Variants in PKD1 observed in about 807,000 individuals in gnomAD.
PKD1 encodes the protein polycystin 1, transient receptor potential channel interacting, also known as polycystin-1.
A neutral mutation model predicts 361.7 loss-of-function variants in PKD1; 81 were observed. The observed-to-expected ratio is 0.22, with a 90% CI of 0.19 to 0.27. The LOEUF (loss-of-function observed/expected upper bound fraction) is 0.27. Ranked by LOEUF, PKD1 falls within the 10% of genes least tolerant of loss-of-function variation. PKD1 has a pLI of 1.00. For missense variants in PKD1, 6,399 were observed against 6,118.3 expected, an observed-to-expected ratio of 1.05 and a Z score of -1.53; for synonymous variants, 3,615 against 2,818.3, an observed-to-expected ratio of 1.28 and a Z score of -8.95.
chr16:2,109,579 G>A lies in PKD1; in HGVS notation c.5588C>T (p.Ser1863Phe). Residue 1863 changes from serine (S) to phenylalanine (F), a missense_variant, in exon 15 of 46, where the codon TCC (serine) becomes TTC (phenylalanine). Ser to Phe is a radical substitution (Grantham distance 155). Coordinates refer to ENST00000262304, the MANE Select transcript of PKD1 (RefSeq NM_001009944.3). The part of the protein sequence containing the change: ...TMVFPDAGTF[S>F]IRLNASNAVS... Reference sequence around the variant, plus strand: ...TGCGTTGGAGGCATTGAGCCGGATGGAGAAGGTGCCAGCATCCGGGAAGAC... The same window carrying A: ...TGCGTTGGAGGCATTGAGCCGGATGAAGAAGGTGCCAGCATCCGGGAAGAC... The A allele has an allele frequency of 6.2e-7, 1 of 1,611,826 alleles. No individual in the cohort carries two copies. Among genetic ancestry groups the A allele is most frequent in the Non-Finnish European group, 8.5e-7 (1 of 1,179,606 alleles).
intron 11 of PKD1, 193 bp downstream of exon 11, chr16:2,113,977 G>C (rs1318251378): frequency 5.0e-6 from 3 of 605,284 alleles, no homozygotes; most frequent in African/African-American, 3.7e-5. Flanking sequence ...GCCACTGTCA[G>C]AGCCGTGACT....
In PKD1 at chr16:2,089,539, C is replaced by T. The variant is rs2091354396; in HGVS notation, c.*188G>A. The T allele has an allele frequency of 1.5e-6, 1 of 679,378 alleles. No homozygotes were observed. Among genetic ancestry groups the T allele is most frequent in the Admixed American group, 2.5e-5 (1 of 39,444 alleles). The allele number at this position is 679,378 out of a possible 1,614,324, so 42.1% of individuals were successfully genotyped here. A position where few individuals can be genotyped will look rare whatever the true frequency, so the allele number is the denominator to read the frequency against. ...TCCCAAGGGAGCTGGGGAGGGGACC[C>T]TGGGTCCTGGTTGGCCACACAGCCT... is the stretch of plus-strand genomic sequence containing the variant. On this transcript the variant is annotated 3_prime_UTR_variant, in exon 46 of 46. Coordinates refer to ENST00000262304, the MANE Select transcript of PKD1 (RefSeq NM_001009944.3).
Position 2,117,015 on chromosome 16 carries a change from C to G in PKD1, c.1424G>C (p.Gly475Ala). The change falls in exon 7 of 46, where the codon GGG becomes GCG. Residue 475 changes from glycine to alanine, a missense_variant. Physicochemically the swap from Gly to Ala is moderately conservative, Grantham distance 60. Transcript: ENST00000262304. ...CTGCGGCGCTGGGCCCACCTCCACC[C>G]CCTGCACAGTCGAGAAGCCGATCCA... ...DVWIGFSTVQ[G>A]VEVGPAPQGE... 5.0e-6 allele frequency: 8 copies of G among 1,587,076 alleles called. No homozygotes were observed. The highest frequency in any genetic ancestry group is 6.8e-6 in the Non-Finnish European group (8 of 1,173,178).
At position 2,130,720 on chromosome 16, in the gene PKD1, G is replaced by A. The variant is rs1053704569; in HGVS notation, c.215+4755C>T. Among the ~76,000 whole-genome samples the A allele has an allele frequency of 1.6e-4, 25 of 152,266 alleles. No homozygotes were observed. The East Asian group carries it at 4.5e-3, about 27-fold the overall frequency. ...CTCCAGAATGCCTGTCTTCCCCGACGCCAATCCCAGGCAGGGGCCCCGGGG... is the reference window on the plus strand; with the variant it reads ...CTCCAGAATGCCTGTCTTCCCCGACACCAATCCCAGGCAGGGGCCCCGGGG... On this transcript the variant is annotated intron_variant, in intron 1 of 45. Transcript: ENST00000262304.
chr16:2,112,904 C>G lies in PKD1; in HGVS notation c.3045G>C (p.Arg1015=). 6.2e-7 allele frequency: 1 copy of G among 1,606,806 alleles called. No homozygotes were observed. Among genetic ancestry groups the G allele is most frequent in the Non-Finnish European group, 8.5e-7 (1 of 1,179,772 alleles). The part of the protein sequence containing the change: ...VTVNYNVTVE[R]MNRMQGLQVS... ...CCTGCAGACCCTGCATCCTGTTCAT[C>G]CGCTCCACGGTTACGTTGTAGTTCA... The change falls in exon 13 of 46, where the codon CGG becomes CGC. Residue 1015 remains arginine, a synonymous_variant. Coordinates refer to ENST00000262304, the MANE Select transcript of PKD1 (RefSeq NM_001009944.3).
chr16:2,111,589 A>C lies in PKD1; in HGVS notation c.3578T>G (p.Val1193Gly). ...SRGTYHVRLE[V>G]NNTVSGAAAQ... ...CGCCGCACCGCTCACCGTGTTGTTG[A>C]CCTCCAGGCGCACGTGGTAGGTGCC... The change falls in exon 15 of 46, where the codon GTC becomes GGC. Residue 1193 changes from valine to glycine, a missense_variant. Transcript: ENST00000262304. 1 of 1,573,654 alleles carries C rather than the reference A, an allele frequency of 6.4e-7. No homozygotes were observed. The highest frequency in any genetic ancestry group is 8.6e-7 in the Non-Finnish European group (1 of 1,160,750).
intron 1 of PKD1, among the ~76,000 whole-genome samples, chr16:2,129,673 C>T (rs1455371318): frequency 2.0e-5 from 3 of 151,398 alleles, no homozygotes; most frequent in Non-Finnish European, 4.4e-5. Flanking sequence ...CCTCAGTCTC[C>T]TGAATAGCTG....
chr16:2,093,943 C>T lies in PKD1; in HGVS notation c.10689G>A (p.Leu3563=). 2.5e-6 allele frequency: 4 copies of T among 1,586,306 alleles called. No homozygotes were observed. Among genetic ancestry groups the T allele is most frequent in the Non-Finnish European group, 3.4e-6 (4 of 1,170,152 alleles). The part of the protein sequence containing the change: ...WCASLAHGLS[L]LLVAVAVAVS... Reference sequence around the variant, plus strand: ...CAGCCACAGCCACAGCCACCAGGAGCAGGCTGAGCCCGTGGGCCAGGGAGG... The same window carrying T: ...CAGCCACAGCCACAGCCACCAGGAGTAGGCTGAGCCCGTGGGCCAGGGAGG... Residue 3563 remains leucine (L), a synonymous_variant, in exon 36 of 46, where the codon CTG becomes CTA. Transcript: ENST00000262304.
intron 20 of PKD1, 147 bp downstream of exon 20, chr16:2,105,718 C>T (rs1308254794): frequency 7.0e-6 from 9 of 1,280,970 alleles, no homozygotes; most frequent in South Asian, 2.5e-5. Context: ...CTGCTGGGAG[C>T]GGAAGGTCGG....
chr16:2,118,021 C>T lies in PKD1; in HGVS notation c.971G>A (p.Arg324His), dbSNP rs199476099. Residue 324 changes from arginine (R) to histidine (H), a missense_variant, in exon 5 of 46, where the codon CGC (arginine) becomes CAC (histidine). Transcript: ENST00000262304. This position sits in a 1 kb window ranked among gnomAD's most constrained non-coding sequence, Gnocchi z 6.0. ...VDAAGPAASH[R>H]YVLPGRYHVT... Reference sequence around the variant, plus strand: ...GTGATAGCGCCCAGGCAGCACATAGCGATGCGAGGCAGCCGGCCCAGCGGC... The same window carrying T: ...GTGATAGCGCCCAGGCAGCACATAGTGATGCGAGGCAGCCGGCCCAGCGGC... 4.4e-6 allele frequency: 7 copies of T among 1,595,120 alleles called. No individual in the cohort carries two copies. The highest frequency in any genetic ancestry group is 2.2e-5 in the East Asian group (1 of 44,766).
In PKD1 at chr16:2,093,150, G is replaced by A. The variant is rs1001112779; in HGVS notation, c.11017-57C>T. The A allele has an allele frequency of 1.1e-4, 180 of 1,601,306 alleles. 1 individual carries two copies. The highest frequency in any genetic ancestry group is 1.4e-4 in the Non-Finnish European group (162 of 1,171,932). On this transcript the variant is annotated intron_variant, in intron 37 of 45. Transcript: ENST00000262304. ...GGCCCCAGCCCACAGTGACAGCAGG[G>A]CTTTGGCAACGGCTGGAGCCATGGC... is the stretch of plus-strand genomic sequence containing the variant.
chr16:2,128,357 T>TGGCAGCACCCAAGC (rs1309227614), intron 1 of PKD1, among the ~76,000 whole-genome samples: 3 of 146,800 alleles, frequency 2.0e-5, no homozygotes, highest in Admixed American at 6.8e-5. Flanking sequence ...TGGGAGGGGC[T>TGGCAGCACCCAAGC]GGCAGCACCC....
rs2092135482 is a variant in PKD1, at chr16:2,102,448, G to A, written c.9134C>T (p.Thr3045Ile). 1 of 1,552,414 alleles carries A rather than the reference G, an allele frequency of 6.4e-7. No homozygotes were observed. The highest frequency in any genetic ancestry group is 2.0e-5 in the Admixed American group (1 of 51,218). ...ETSPRQAVCL[T>I]RHLTAFGASL... Reference sequence around the variant, plus strand: ...GGCGCCGAAGGCGGTGAGGTGGCGGGTGAGGCAGACGGCCTGGCGGGGCGA... The same window carrying A: ...GGCGCCGAAGGCGGTGAGGTGGCGGATGAGGCAGACGGCCTGGCGGGGCGA... Residue 3045 changes from threonine to isoleucine, a missense_variant, in exon 25 of 46, where the codon ACC becomes ATC. Thr to Ile is a moderately conservative substitution (Grantham distance 89). Coordinates refer to ENST00000262304, the MANE Select transcript of PKD1 (RefSeq NM_001009944.3).
chr16:2,132,273 T>C (rs2092893178), intron 1 of PKD1, among the ~76,000 whole-genome samples: 1 of 142,390 alleles, frequency 7.0e-6, no homozygotes, highest in Non-Finnish European at 1.5e-5. Flanking sequence ...AAAGTATATA[T>C]TTTTAAAAGA....
chr16:2,132,910 T>G (rs1201436342), intron 1 of PKD1, among the ~76,000 whole-genome samples: 2 of 150,132 alleles, frequency 1.3e-5, no homozygotes, highest in East Asian at 4.0e-4. Context: ...GGAGAAACCC[T>G]GTCTCTACTA....
At chr16:2,128,877 T>C (rs1409490180) in intron 1 of PKD1, among the ~76,000 whole-genome samples, 2 of 152,026 alleles carry the variant, frequency 1.3e-5, no homozygotes, top group East Asian at 1.9e-4. Context: ...GCATTTTTTT[T>C]TTTTGAGACA....
In PKD1 at chr16:2,105,824, G is replaced by C. The variant is rs373896217; in HGVS notation, c.7863+41C>G. On this transcript the variant is annotated intron_variant, in intron 20 of 45. Coordinates refer to ENST00000262304, the MANE Select transcript of PKD1 (RefSeq NM_001009944.3). The stretch of plus-strand genomic sequence containing the variant: ...GGGTACAGGTCTTGGTCCCAAGCAC[G>C]CATGCAGCAGATGTGACGTCCCCTC... 33 of 1,576,190 alleles carry C rather than the reference G, an allele frequency of 2.1e-5. No homozygotes were observed. The South Asian group carries it at 3.5e-4, about 17-fold the overall frequency.
In PKD1 at chr16:2,107,975, T is replaced by C. The variant is rs1168641632; in HGVS notation, c.6973A>G (p.Ile2325Val). The change falls in exon 16 of 46, where the codon ATT becomes GTT. Residue 2325 changes from isoleucine to valine, a missense_variant. Coordinates refer to ENST00000262304, the MANE Select transcript of PKD1 (RefSeq NM_001009944.3). Reference sequence around the variant, plus strand: ...CCAGCCGCCAGCCGCTCCCGTGGAATGGTGACCGTGCTGCTCCCGCGGGGC... The same window carrying C: ...CCAGCCGCCAGCCGCTCCCGTGGAACGGTGACCGTGCTGCTCCCGCGGGGC... ...FGPRGSSTVT[I>V]PRERLAAGVE... 4 of 1,548,522 alleles carry C rather than the reference T, an allele frequency of 2.6e-6. No homozygotes were observed. In the South Asian group the frequency reaches 3.6e-5, roughly 14 times the overall value.
Position 2,108,049 on chromosome 16 carries a change from A to G in PKD1, c.6916-17T>C. On this transcript the variant is annotated splice_polypyrimidine_tract_variant and intron_variant, in intron 15 of 45. Coordinates refer to ENST00000262304, the MANE Select transcript of PKD1 (RefSeq NM_001009944.3). The stretch of plus-strand genomic sequence containing the variant: ...AGCCTCCCTCTGCAGGCCGAGAACA[A>G]GGGGCGACGTGGCCTGAGAGCCCCA... 1 of 1,570,420 alleles carries G rather than the reference A, an allele frequency of 6.4e-7. No homozygotes were observed. Among genetic ancestry groups the G allele is most frequent in the Non-Finnish European group, 8.6e-7 (1 of 1,160,110 alleles).
Sources: gnomAD v4.1 joint callset for allele counts (sites outside exome capture counted in the v4.1 genomes callset) on GRCh38, gnomAD v4.1.1 for gene constraint, Gnocchi (gnomAD v3.1) non-coding constraint, MANE v1.5 for transcripts, NCBI Gene and HGNC (gene_info 2026-07-23, HGNC 2026-07-21) for gene names.